The following MON2 variants were observed in gnomAD, a reference collection of about 807,000 sequenced individuals.
MON2 encodes the protein MON2 regulator of endosome-to-Golgi trafficking, also known as protein MON2 homolog.
A neutral mutation model predicts 208.6 loss-of-function variants in MON2; 84 were observed. The observed-to-expected ratio is 0.40, with a 90% confidence interval of 0.34 to 0.48. The LOEUF is 0.48. Among genes scored for constraint, MON2 ranks in the 20% least tolerant of loss-of-function variants. The pLI, the probability that MON2 is intolerant of heterozygous loss-of-function variation, is 0.59. For synonymous variants in MON2, 660 were observed against 694.0 expected (o/e 0.95, Z 0.77); for missense variants, 1,611 against 2,015.4 (o/e 0.80, Z 3.84).
Position 62,566,010 on chromosome 12 carries a change from A to G in MON2, c.4177-4A>G. The stretch of plus-strand genomic sequence containing the variant: ...TGTCTTGCAACACAATGGAATCACA[A>G]TAGATCCAACTATTTGCACCGGTGA... On this transcript the variant is annotated splice_region_variant and splice_polypyrimidine_tract_variant and intron_variant, in intron 27 of 34. Coordinates refer to ENST00000393630, the MANE Select transcript of MON2 (RefSeq NM_015026.3). The G allele has an allele frequency of 6.2e-7, 1 of 1,610,364 alleles. No homozygotes were observed. The highest frequency in any genetic ancestry group is 8.5e-7 in the Non-Finnish European group (1 of 1,178,136).
intron 3 of MON2, 40 bp from the exon 4 acceptor site, chr12:62,494,976 A>T: frequency 2.0e-6 from 3 of 1,503,324 alleles, no homozygotes; most frequent in Non-Finnish European, 2.7e-6. Context: ...CAACATCTAT[A>T]TTGTATTTGT....
chr12:62,481,896 A>G (rs934653814), intron 1 of MON2, among the ~76,000 whole-genome samples: 2 of 152,212 alleles, frequency 1.3e-5, no homozygotes, highest in African/African-American at 2.4e-5. Flanking sequence ...AGCCAGCCCT[A>G]GAAAAAGTGT....
In MON2 at chr12:62,595,400, C is replaced by T. The variant is rs945471145; in HGVS notation, c.*2651C>T. The T allele has an allele frequency of 1.2e-4, 19 of 152,312 alleles. No individual in the cohort carries two copies. The highest frequency in any genetic ancestry group is 4.6e-4 in the African/African-American group (19 of 41,550). The allele number at this position is 152,312 out of a possible 1,614,324, so 9.4% of individuals were successfully genotyped here. A position where few individuals can be genotyped will look rare whatever the true frequency, so the allele number is the denominator to read the frequency against. On this transcript the variant is annotated 3_prime_UTR_variant, in exon 35 of 35. Coordinates refer to ENST00000393630, the MANE Select transcript of MON2 (RefSeq NM_015026.3). ...CCTCAGGTGATCTGCCCGCCTTGGCCTCCCAAAGTGCTGACATTACAGGCC... is the reference window on the plus strand; with the variant it reads ...CCTCAGGTGATCTGCCCGCCTTGGCTTCCCAAAGTGCTGACATTACAGGCC...
chr12:62,471,876 A>G (rs930566551), intron 1 of MON2, among the ~76,000 whole-genome samples: 3 of 152,242 alleles, frequency 2.0e-5, no homozygotes, highest in African/African-American at 7.2e-5. Flanking sequence ...GGAAGGACAA[A>G]GGAAAAACCG....
chr12:62,481,127 T>C (rs560516439), intron 1 of MON2, among the ~76,000 whole-genome samples: 1 of 152,354 alleles, frequency 6.6e-6, no homozygotes, highest in South Asian at 2.1e-4. Flanking sequence ...TTACCATCTC[T>C]ATCACTAACA....
intron 4 of MON2, among the ~76,000 whole-genome samples, chr12:62,498,263 T>C (rs958804959): frequency 1.3e-5 from 2 of 152,160 alleles, no homozygotes; most frequent in South Asian, 2.1e-4. Context: ...TCTGTTCATA[T>C]AAAAATCATA....
chr12:62,498,048 CTT>C (rs34160326), intron 4 of MON2, among the ~76,000 whole-genome samples: 76 of 146,860 alleles, frequency 5.2e-4, no homozygotes, highest in Admixed American at 5.4e-4. Context: ...TTCATAGCAG[CTT>C]TTTTTTTTTT....
At chr12:62,493,047 A>T (rs538261730) in intron 2 of MON2, among the ~76,000 whole-genome samples, 14 of 152,078 alleles carry the variant, frequency 9.2e-5, no homozygotes, top group African/African-American at 2.9e-4. Flanking sequence ...ATACACACAC[A>T]CAAACACACA....
chr12:62,495,117 T>TA lies in MON2; in HGVS notation c.406dup (p.Thr136AsnfsTer5). 1 of 1,610,870 alleles carries TA rather than the reference T, an allele frequency of 6.2e-7. No individual in the cohort carries two copies. The highest frequency in any genetic ancestry group is 8.5e-7 in the Non-Finnish European group (1 of 1,178,092). On this transcript the variant is annotated frameshift_variant, in exon 4 of 35. Transcript: ENST00000393630. LOFTEE classifies it high-confidence loss of function. Reference sequence around the variant, plus strand: ...CAGTTCTTGTTCTTTTAACAACCAATACAGTAGTTCATGATGAGGCACTTT... The same window carrying TA: ...CAGTTCTTGTTCTTTTAACAACCAATAACAGTAGTTCATGATGAGGCACTTT...
chr12:62,471,955 T>A lies in MON2; in HGVS notation c.111+4637T>A, dbSNP rs1055045603. Among the ~76,000 whole-genome samples the A allele has an allele frequency of 1.2e-4, 19 of 152,310 alleles. No homozygotes were observed. The East Asian group carries it at 3.7e-3, about 29-fold the overall frequency. ...GGGCAGTTTGGTCTGTGGCCTCTGC[T>A]TTCTTGCGAAGATAAGAAACAAGCT... On this transcript the variant is annotated intron_variant, in intron 1 of 34. Coordinates refer to ENST00000393630, the MANE Select transcript of MON2 (RefSeq NM_015026.3).
At chr12:62,547,959 C>G (rs939559178) in intron 22 of MON2, among the ~76,000 whole-genome samples, 16 of 152,130 alleles carry the variant, frequency 1.1e-4, no homozygotes, top group Non-Finnish European at 1.9e-4. Flanking sequence ...TTTCTCAGAT[C>G]ATATCCTCAT....
rs151193042 is a variant in MON2 at position 62,499,190 on chromosome 12, C to A, written c.565+142C>A. 449 of 806,580 alleles carry A rather than the reference C, an allele frequency of 5.6e-4. 3 individuals carry two copies. In the East Asian group the frequency reaches 0.011, roughly 21 times the overall value. 50.0% of individuals were successfully genotyped at this position (806,580 alleles called of 1,614,324 possible). A position where few individuals can be genotyped will look rare whatever the true frequency, so the allele number is the denominator to read the frequency against. ...AAATAAATTCCTCACAATTTGATCC[C>A]CTGAGGAATAGGCTCCTTGTTTTCC... On this transcript the variant is annotated intron_variant, in intron 5 of 34. Transcript: ENST00000393630.
intron 29 of MON2, among the ~76,000 whole-genome samples, chr12:62,567,779 A>C (rs1365903624): frequency 6.6e-6 from 1 of 152,250 alleles, no homozygotes; most frequent in Non-Finnish European, 1.5e-5. Context: ...AAGAAAGGCA[A>C]ACAAGTAATA....
intron 33 of MON2, among the ~76,000 whole-genome samples, chr12:62,586,788 T>G (rs1479975481): frequency 6.6e-6 from 1 of 152,152 alleles, no homozygotes; most frequent in Non-Finnish European, 1.5e-5. Flanking sequence ...TATTTATATA[T>G]TATAAAATAT....
intron 25 of MON2, among the ~76,000 whole-genome samples, chr12:62,557,719 CT>C (rs1382113131): frequency 6.6e-6 from 1 of 151,140 alleles, no homozygotes; most frequent in Non-Finnish European, 1.5e-5. Context: ...CTTTTTTCTC[CT>C]TTTTTCCAAA....
At position 62,553,072 on chromosome 12, in the gene MON2, C is replaced by T; in HGVS notation, c.3108C>T (p.Pro1036=). 6.2e-7 allele frequency: 1 copy of T among 1,614,114 alleles called. No homozygotes were observed. The highest frequency in any genetic ancestry group is 8.5e-7 in the Non-Finnish European group (1 of 1,180,010). ...YAKLGELCVD[P]RPAVRKSAGQ... ...AATTGGGTGAACTATGTGTGGATCC[C>T]CGTCCTGCTGTCAGGAAGAGTGCAG... is the stretch of plus-strand genomic sequence containing the variant. Residue 1036 remains proline (P), a synonymous_variant, in exon 24 of 35, where the codon CCC becomes CCT. Coordinates refer to ENST00000393630, the MANE Select transcript of MON2 (RefSeq NM_015026.3).
chr12:62,511,468 G>A (rs1020321485), intron 8 of MON2, among the ~76,000 whole-genome samples: 1 of 152,084 alleles, frequency 6.6e-6, no homozygotes, highest in African/African-American at 2.4e-5. Flanking sequence ...TCATATATAT[G>A]GTCAAGTGAT....
intron 24 of MON2, 100 bp from the exon 25 acceptor site, chr12:62,555,893 AT>A (rs1183070823): frequency 2.3e-6 from 2 of 870,874 alleles, no homozygotes; most frequent in African/African-American, 1.7e-5. Context: ...TGTCAAGTAT[AT>A]TTTTTGTAAC....
At chr12:62,571,305 T>C in intron 29 of MON2, 87 bp from the exon 30 acceptor site, 2 of 996,696 alleles carry the variant, frequency 2.0e-6, no homozygotes, top group African/African-American at 1.7e-5. Context: ...ATACCTATGC[T>C]ATTTTTTCTC....
Sources: gnomAD v4.1 joint callset for allele counts (sites outside exome capture counted in the v4.1 genomes callset) on GRCh38, gnomAD v4.1.1 for gene constraint, MANE v1.5 for transcripts, NCBI Gene and HGNC (gene_info 2026-07-23, HGNC 2026-07-21) for gene names.